Variants in PRICKLE2 observed in about 807,000 individuals in gnomAD.
The protein encoded by PRICKLE2 is prickle-like protein 2.
In PRICKLE2, 21 loss-of-function variants were observed where a neutral mutation model predicts 81.4. The ratio of observed to expected loss-of-function variants is 0.26; its 90% CI spans 0.18 to 0.37. The LOEUF is 0.37. Ranked by LOEUF, PRICKLE2 falls within the 10% of genes least tolerant of loss-of-function variation. PRICKLE2 has a pLI of 1.00. For synonymous variants in PRICKLE2, 456 were observed against 421.5 expected (o/e 1.08, Z -1.00); for missense variants, 940 against 1,109.0 (o/e 0.85, Z 2.16).
At chr3:64,192,505 G>C (rs1453324580) in intron 2 of PRICKLE2, among the ~76,000 whole-genome samples, 1 of 152,170 alleles carries the variant, frequency 6.6e-6, no homozygotes, top group African/African-American at 2.4e-5. Flanking sequence ...TCTTTGAGGA[G>C]ATACATTTAA....
chr3:64,129,087 T>C (rs1358028507), intron 7 of PRICKLE2, among the ~76,000 whole-genome samples: 1 of 152,146 alleles, frequency 6.6e-6, no homozygotes, highest in Admixed American at 6.5e-5. Context: ...TGTCTACAGA[T>C]ACTGTCAAAT....
rs1470182950 is a variant in PRICKLE2 at position 64,094,173 on chromosome 3, C to T, written c.*4878G>A. 6 of 151,872 alleles carry T rather than the reference C, an allele frequency of 4.0e-5. No individual in the cohort carries two copies. The highest frequency in any genetic ancestry group is 2.6e-4 in the Admixed American group (4 of 15,246). 9.4% of individuals were successfully genotyped at this position (151,872 alleles called of 1,614,324 possible). On this transcript the variant is annotated 3_prime_UTR_variant, in exon 8 of 8. Transcript: ENST00000638394. ...ATGAGTTTAGGAGAGGAAAACCTGC[C>T]GAAGTCCTAATTTGCTAAAAAAAAA... is the stretch of plus-strand genomic sequence containing the variant.
chr3:64,160,978 ACAAAC>A (rs1295541272), intron 3 of PRICKLE2, among the ~76,000 whole-genome samples: 8 of 151,694 alleles, frequency 5.3e-5, no homozygotes, highest in East Asian at 1.9e-4. Flanking sequence ...AAACAAACAA[ACAAAC>A]AAAAAAACCA....
intron 7 of PRICKLE2, among the ~76,000 whole-genome samples, chr3:64,123,568 A>G (rs6791571): frequency 0.16 from 24,283 of 152,252 alleles, 2,311 homozygotes; most frequent in Non-Finnish European, 0.21. Context: ...TCATTAGGCA[A>G]GACTATCAGC....
intron 2 of PRICKLE2, among the ~76,000 whole-genome samples, chr3:64,263,275 T>C (rs2079643427): frequency 6.6e-6 from 1 of 152,242 alleles, no homozygotes; most frequent in African/African-American, 2.4e-5. Context: ...ACATCACTTG[T>C]ACCCGAAGGA....
At chr3:64,186,648 C>T (rs1257800811) in intron 2 of PRICKLE2, among the ~76,000 whole-genome samples, 2 of 152,206 alleles carry the variant, frequency 1.3e-5, no homozygotes, top group Non-Finnish European at 2.9e-5. Context: ...CACACCTATA[C>T]TAACAGCTTG....
chr3:64,206,490 C>T (rs1436660969), intron 1 of PRICKLE2, among the ~76,000 whole-genome samples: 1 of 152,164 alleles, frequency 6.6e-6, no homozygotes, highest in African/African-American at 2.4e-5. Context: ...AGCTGGGTAC[C>T]CAGTGGGGTG....
intron 7 of PRICKLE2, among the ~76,000 whole-genome samples, chr3:64,134,911 C>T (rs2077254753): frequency 1.3e-5 from 2 of 152,210 alleles, no homozygotes. Context: ...GACTTTTCTG[C>T]CTTCTAAAAT....
chr3:64,110,506 C>T (rs907107168), intron 7 of PRICKLE2, among the ~76,000 whole-genome samples: 1 of 152,040 alleles, frequency 6.6e-6, no homozygotes, highest in African/African-American at 2.4e-5. Flanking sequence ...AGCAAGGTGA[C>T]CGTTACAGAT....
In PRICKLE2 at chr3:64,262,570, C is replaced by T. The variant is rs1002469743; in HGVS notation, c.129-63603G>A. Among the ~76,000 whole-genome samples, 10 of 149,916 alleles carry T rather than the reference C, an allele frequency of 6.7e-5. No homozygotes were observed. The East Asian group carries it at 2.0e-3, about 30-fold the overall frequency. On this transcript the variant is annotated intron_variant, in intron 2 of 8. Coordinates refer to the PRICKLE2 transcript ENST00000295902. Reference sequence around the variant, plus strand: ...GGGCTGGATGGCGTCAACAAGGGAGCAATAAAGATGAAAAAGACATGAGCA... The same window carrying T: ...GGGCTGGATGGCGTCAACAAGGGAGTAATAAAGATGAAAAAGACATGAGCA...
intron 7 of PRICKLE2, among the ~76,000 whole-genome samples, chr3:64,130,392 G>C (rs11914507): frequency 1.1e-4 from 16 of 152,230 alleles, no homozygotes; most frequent in African/African-American, 3.9e-4. Context: ...CACAGAGCCA[G>C]TAATGGACAG....
chr3:64,109,388 T>C (rs2076807429), intron 7 of PRICKLE2, among the ~76,000 whole-genome samples: 2 of 152,218 alleles, frequency 1.3e-5, no homozygotes, highest in African/African-American at 4.8e-5. Context: ...TTGATGTATC[T>C]CTTTTACTTC....
At chr3:64,109,655 C>A (rs1160861582) in intron 7 of PRICKLE2, among the ~76,000 whole-genome samples, 2 of 152,166 alleles carry the variant, frequency 1.3e-5, no homozygotes, top group African/African-American at 2.4e-5. Context: ...GCTTGGCCTG[C>A]CTTCCCTCTC....
At chr3:64,188,382 G>A (rs1370576381) in intron 2 of PRICKLE2, among the ~76,000 whole-genome samples, 1 of 152,198 alleles carries the variant, frequency 6.6e-6, no homozygotes, top group Non-Finnish European at 1.5e-5. Flanking sequence ...TTAGCCAACA[G>A]TAATGGCTCT....
intron 4 of PRICKLE2, among the ~76,000 whole-genome samples, chr3:64,157,777 G>A (rs944985642): frequency 8.7e-5 from 13 of 150,202 alleles, no homozygotes; most frequent in South Asian, 8.6e-4. Context: ...AGGTGGGTGG[G>A]AGGACGGGGC....
At chr3:64,222,490 T>C (rs1164026971) in intron 1 of PRICKLE2, among the ~76,000 whole-genome samples, 1 of 152,194 alleles carries the variant, frequency 6.6e-6, no homozygotes, top group Non-Finnish European at 1.5e-5. Flanking sequence ...AGCAGTCCAC[T>C]TGTGTGACAG....
chr3:64,199,141 G>T (rs930303306), intron 1 of PRICKLE2, 174 bp from the exon 2 acceptor site: 3 of 662,510 alleles, frequency 4.5e-6, no homozygotes, highest in Non-Finnish European at 5.3e-6. Context: ...TGCAGAGGGC[G>T]TGGTACACGC....
intron 2 of PRICKLE2, among the ~76,000 whole-genome samples, chr3:64,267,670 G>C (rs1219416801): frequency 6.6e-6 from 1 of 152,166 alleles, no homozygotes; most frequent in Non-Finnish European, 1.5e-5. Context: ...GATTACCATT[G>C]CTGGTTAATA....
chr3:64,210,626 G>T (rs577360526), intron 1 of PRICKLE2, among the ~76,000 whole-genome samples: 1 of 152,152 alleles, frequency 6.6e-6, no homozygotes, highest in Non-Finnish European at 1.5e-5. Context: ...AGGGGCAGTT[G>T]TTTCCTCTTT....
Sources: allele counts gnomAD v4.1 joint callset (sites outside exome capture counted in the v4.1 genomes callset), GRCh38; gene constraint gnomAD v4.1.1; transcripts MANE v1.5; gene names NCBI Gene and HGNC (gene_info 2026-07-23, HGNC 2026-07-21).